NOX4: variants seen among roughly 807,000 people sequenced by gnomAD.
NOX4 encodes the protein NADPH oxidase 4.
Under a neutral mutation model 87.6 loss-of-function variants are expected in NOX4, and 69 were observed. That is an observed-to-expected ratio of 0.79 (90% CI 0.65 to 0.96). The LOEUF (loss-of-function observed/expected upper bound fraction) is 0.96, where lower values mean the gene tolerates loss of function less well. Among genes scored for constraint, NOX4 ranks in the 40% least tolerant of loss-of-function variants. NOX4 has a pLI of 0.00. For missense variants in NOX4, 680 were observed against 681.5 expected (o/e 1.00, Z 0.02); for synonymous variants, 275 against 238.2 (o/e 1.15, Z -1.42).
chr11:89,578,761 T>C, the NOX4 span, among the ~76,000 whole-genome samples: 5 of 152,174 alleles, frequency 3.3e-5, no homozygotes, highest in Non-Finnish European at 5.9e-5. Context: ...TCATAACTAT[T>C]CCTGTGGGTA....
chr11:89,487,480 G>A (rs934574647), intron 2 of NOX4, among the ~76,000 whole-genome samples: 3 of 152,016 alleles, frequency 2.0e-5, no homozygotes, highest in Non-Finnish European at 4.4e-5. Context: ...TTTCACAGAC[G>A]AATGACAGCA....
the NOX4 span, among the ~76,000 whole-genome samples, chr11:89,513,010 C>T: frequency 2.0e-5 from 3 of 152,164 alleles, no homozygotes; most frequent in East Asian, 3.9e-4. Context: ...ATTTGTGAAA[C>T]TCTCTGAAAC....
Position 89,453,759 on chromosome 11 carries a change from C to A in NOX4, c.154-1864G>T, listed in dbSNP as rs192404468. Reference sequence around the variant, plus strand: ...AAGAATTTACCCAACATAAGATAATCAGAAAGTTGTGGAGCCAGAATTCAA... The same window carrying A: ...AAGAATTTACCCAACATAAGATAATAAGAAAGTTGTGGAGCCAGAATTCAA... On this transcript the variant is annotated intron_variant, in intron 2 of 17. Transcript: ENST00000263317. Among the ~76,000 whole-genome samples the A allele has an allele frequency of 2.0e-3, 310 of 152,200 alleles. 1 individual carries two copies. Among genetic ancestry groups the A allele is most frequent in the Non-Finnish European group, 3.3e-3 (224 of 67,998 alleles).
At chr11:89,528,130 C>A in the NOX4 span, among the ~76,000 whole-genome samples, 1 of 152,222 alleles carries the variant, frequency 6.6e-6, no homozygotes, top group Non-Finnish European at 1.5e-5. Context: ...TAATGCCCCA[C>A]TGGATTTCGG....
intron 4 of NOX4, among the ~76,000 whole-genome samples, chr11:89,444,524 TACAC>T (rs35340897): frequency 0.037 from 5,291 of 144,598 alleles, 278 homozygotes; most frequent in African/African-American, 0.12. Flanking sequence ...CTAACACACA[TACAC>T]ACACACACAC....
chr11:89,402,805 G>A (rs1941952380), intron 8 of NOX4, among the ~76,000 whole-genome samples: 2 of 152,084 alleles, frequency 1.3e-5, no homozygotes, highest in South Asian at 4.2e-4. Flanking sequence ...AAGAATACAT[G>A]CAATCTCTCC....
At chr11:89,501,981 A>T (rs1591388450), upstream of NOX4, among the ~76,000 whole-genome samples, 2 of 152,082 alleles carry the variant, frequency 1.3e-5, no homozygotes, top group African/African-American at 4.8e-5. Context: ...ACAAAGGAAG[A>T]TATGTAACTT....
the NOX4 span, among the ~76,000 whole-genome samples, chr11:89,558,329 T>G: frequency 1.3e-5 from 2 of 152,090 alleles, no homozygotes; most frequent in Admixed American, 1.3e-4. Flanking sequence ...GAAAGATTAA[T>G]TACATTACTG....
At chr11:89,399,446 T>G (rs977220422) in intron 11 of NOX4, among the ~76,000 whole-genome samples, 1 of 133,708 alleles carries the variant, frequency 7.5e-6, no homozygotes, top group Non-Finnish European at 1.6e-5. Context: ...TATATATATA[T>G]ATATATATAT....
intron 8 of NOX4, among the ~76,000 whole-genome samples, chr11:89,410,544 A>ATGT (rs1942423815): frequency 6.6e-6 from 1 of 152,110 alleles, no homozygotes; most frequent in East Asian, 1.9e-4. Flanking sequence ...GTTCTATTTT[A>ATGT]TTTTTCTTTT....
chr11:89,466,304 TCAAA>T (rs769306484), intron 2 of NOX4, among the ~76,000 whole-genome samples: 23 of 152,214 alleles, frequency 1.5e-4, no homozygotes, highest in African/African-American at 4.8e-4. Context: ...TCTTAAAATC[TCAAA>T]CAGTTTCTTA....
At chr11:89,350,406 T>C (rs1946406603) in intron 13 of NOX4, among the ~76,000 whole-genome samples, 1 of 152,170 alleles carries the variant, frequency 6.6e-6, no homozygotes, top group Admixed American at 6.6e-5. Flanking sequence ...TGTCTCTTGG[T>C]AACAGGAAGT....
intron 2 of NOX4, among the ~76,000 whole-genome samples, chr11:89,464,521 G>C (rs1456015687): frequency 2.0e-5 from 3 of 152,216 alleles, no homozygotes; most frequent in South Asian, 4.1e-4. Flanking sequence ...AGATTGTTTT[G>C]TTTGATCATT....
At chr11:89,507,471 T>C in the NOX4 span, among the ~76,000 whole-genome samples, 2 of 151,060 alleles carry the variant, frequency 1.3e-5, no homozygotes, top group African/African-American at 2.4e-5. Context: ...TGTCATATAA[T>C]ATATAACAAT....
At chr11:89,477,943 T>C (rs1044021005) in intron 2 of NOX4, among the ~76,000 whole-genome samples, 1 of 152,204 alleles carries the variant, frequency 6.6e-6, no homozygotes, top group Non-Finnish European at 1.5e-5. Context: ...CATGCTTTGC[T>C]CTAAACTAGA....
chr11:89,337,413 G>C (rs375406566), intron 16 of NOX4, 34 bp downstream of exon 16: 54 of 1,610,224 alleles, frequency 3.4e-5, no homozygotes, highest in Non-Finnish European at 4.4e-5. Context: ...TTATCAAGAG[G>C]CTTGTTTAAT....
chr11:89,443,968 A>G (rs78084339), intron 5 of NOX4, 167 bp downstream of exon 5: 6,568 of 586,500 alleles, frequency 0.011, 357 homozygotes, highest in African/African-American at 0.11. Context: ...ATGAAATAGT[A>G]ATTACTTATA....
chr11:89,570,857 G>C, the NOX4 span, among the ~76,000 whole-genome samples: 341 of 152,318 alleles, frequency 2.2e-3, no homozygotes, highest in Middle Eastern at 6.8e-3. Context: ...ATGGTTTATT[G>C]TGTATGGCTC....
chr11:89,458,896 C>T (rs1345266955), intron 2 of NOX4, among the ~76,000 whole-genome samples: 5 of 152,220 alleles, frequency 3.3e-5, no homozygotes, highest in East Asian at 3.9e-4. Context: ...AATAGTTTTG[C>T]AATTTCTCAA....
Sources: gnomAD v4.1 joint callset for allele counts (sites outside exome capture counted in the v4.1 genomes callset) on GRCh38, gnomAD v4.1.1 for gene constraint, MANE v1.5 for transcripts, NCBI Gene and HGNC (gene_info 2026-07-23, HGNC 2026-07-21) for gene names.